PHF14: variants seen among roughly 807,000 people sequenced by gnomAD.
PHF14 encodes PHD finger protein 14.
A neutral mutation model predicts 117.9 loss-of-function variants in PHF14; 55 were observed. The observed-to-expected ratio is 0.47, with a 90% CI of 0.38 to 0.58. PHF14 has a LOEUF of 0.58. Among genes scored for constraint, PHF14 ranks in the 20% least tolerant of loss-of-function variants. The probability of loss-of-function intolerance (pLI) is 0.00; values close to 1 mark genes in which losing one functional copy is unlikely to be tolerated. For synonymous variants in PHF14, 409 were observed against 368.6 expected (o/e 1.11, Z -1.26); for missense variants, 978 against 1,122.2 (o/e 0.87, Z 1.84).
intron 16 of PHF14, chr7:11,108,309 A>G (rs1466496403): frequency 6.6e-6 from 1 of 151,666 alleles, no homozygotes; most frequent in Non-Finnish European, 1.5e-5. Flanking sequence ...ATATTTGTTT[A>G]TCACCAAAAC....
At chr7:10,994,538 G>T (rs1369908254) in intron 4 of PHF14, among the ~76,000 whole-genome samples, 1 of 152,186 alleles carries the variant, frequency 6.6e-6, no homozygotes, top group Non-Finnish European at 1.5e-5. Flanking sequence ...GGTTAGTGGT[G>T]GGAGTAGAGA....
At chr7:11,104,356 C>T (rs2128342020) in intron 16 of PHF14, 1 of 968,534 alleles carries the variant, frequency 1.0e-6, no homozygotes, top group Non-Finnish European at 1.2e-6. Context: ...AGTAAGAAAA[C>T]TTGAAGTAAC....
intron 4 of PHF14, among the ~76,000 whole-genome samples, chr7:11,011,410 C>G (rs904737067): frequency 3.3e-5 from 5 of 152,084 alleles, no homozygotes; most frequent in Admixed American, 6.5e-5. Flanking sequence ...TATAAACTTA[C>G]CCATATGGTG....
intron 16 of PHF14, among the ~76,000 whole-genome samples, chr7:11,099,987 C>G (rs1397060642): frequency 6.6e-6 from 1 of 152,026 alleles, no homozygotes; most frequent in Non-Finnish European, 1.5e-5. Context: ...TCTAAATGAG[C>G]TGATGATATG....
At chr7:11,025,689 G>C in intron 6 of PHF14, among the ~76,000 whole-genome samples, 1 of 152,170 alleles carries the variant, frequency 6.6e-6, no homozygotes. Context: ...CAGCTACTTG[G>C]GAGGCTGAGG....
intron 6 of PHF14, among the ~76,000 whole-genome samples, chr7:11,027,780 G>A (rs1390753046): frequency 6.6e-6 from 1 of 151,952 alleles, no homozygotes; most frequent in Non-Finnish European, 1.5e-5. Flanking sequence ...GATTTTCTCT[G>A]GTCTCTTGTT....
intron 12 of PHF14, among the ~76,000 whole-genome samples, chr7:11,041,278 ACTTT>A (rs577176151): frequency 7.3e-4 from 110 of 151,584 alleles, no homozygotes; most frequent in Middle Eastern, 3.4e-3. Flanking sequence ...TTTGTTTTTT[ACTTT>A]CTTTGCTCAA....
In PHF14 at chr7:11,036,333, C is replaced by T. The variant is rs1784325999; in HGVS notation, c.1603-85C>T. 4.4e-6 allele frequency: 5 copies of T among 1,137,698 alleles called. No individual in the cohort carries two copies. In the East Asian group the frequency reaches 1.3e-4, roughly 29 times the overall value. 70.5% of individuals were successfully genotyped at this position (1,137,698 alleles called of 1,614,324 possible). A position where few individuals can be genotyped will look rare whatever the true frequency, so the allele number is the denominator to read the frequency against. Reference sequence around the variant, plus strand: ...GAAGTTCTGATTATCTTTCTGTGAACATGGGAATAAAAATCAATGTAAAAA... The same window carrying T: ...GAAGTTCTGATTATCTTTCTGTGAATATGGGAATAAAAATCAATGTAAAAA... On this transcript the variant is annotated intron_variant, in intron 8 of 17. Coordinates refer to ENST00000634607, the MANE Select transcript of PHF14 (RefSeq NM_001007157.2).
At chr7:11,056,190 T>C (rs770882254) in intron 14 of PHF14, among the ~76,000 whole-genome samples, 1 of 152,162 alleles carries the variant, frequency 6.6e-6, no homozygotes, top group Non-Finnish European at 1.5e-5. Context: ...AGTAATCTTA[T>C]TCAGAACCCT....
Position 11,036,622 on chromosome 7 carries a change from A to G in PHF14, c.1807A>G (p.Ser603Gly), listed in dbSNP as rs1370130187. 6.2e-7 allele frequency: 1 copy of G among 1,613,592 alleles called. No homozygotes were observed. Among genetic ancestry groups the G allele is most frequent in the Non-Finnish European group, 8.5e-7 (1 of 1,179,626 alleles). Residue 603 changes from serine to glycine, a missense_variant, in exon 9 of 18, where the codon AGT (serine) becomes GGT (glycine). This residue lies in a region of PHF14 where 237 missense variants were observed against 276.4 expected (regional missense o/e 0.86). Coordinates refer to ENST00000634607, the MANE Select transcript of PHF14 (RefSeq NM_001007157.2). Reference protein sequence around the residue: ...FPVDNSDTSSSVDGRRKHKQP... With the variant: ...FPVDNSDTSSGVDGRRKHKQP... Reference sequence around the variant, plus strand: ...AGTGGACAATTCAGATACTAGTTCTAGTGTGGATGGAAGGAGAAAACATAA... The same window carrying G: ...AGTGGACAATTCAGATACTAGTTCTGGTGTGGATGGAAGGAGAAAACATAA...
At chr7:11,161,054 A>C (rs1034554668) in intron 17 of PHF14, among the ~76,000 whole-genome samples, 8 of 152,158 alleles carry the variant, frequency 5.3e-5, no homozygotes, top group African/African-American at 1.9e-4. Context: ...GAGGTCTTAC[A>C]TTTAAATCTG....
At chr7:11,073,657 G>GGT (rs977226026) in intron 16 of PHF14, among the ~76,000 whole-genome samples, 21 of 152,286 alleles carry the variant, frequency 1.4e-4, no homozygotes, top group African/African-American at 5.1e-4. Flanking sequence ...GTAGTTCCCT[G>GGT]GTAGGGATTC....
chr7:11,075,645 G>C (rs907007551), intron 16 of PHF14, among the ~76,000 whole-genome samples: 2 of 146,894 alleles, frequency 1.4e-5, no homozygotes, highest in African/African-American at 5.1e-5. Context: ...CCTCCCACCA[G>C]GCGCACCTCC....
In PHF14 at chr7:11,061,982, A is replaced by T; in HGVS notation, c.2551A>T (p.Arg851Ter). 6.3e-7 allele frequency: 1 copy of T among 1,599,406 alleles called. No homozygotes were observed. Among genetic ancestry groups the T allele is most frequent in the African/African-American group, 1.3e-5 (1 of 74,728 alleles). Residue 851 changes from arginine (R) to a stop codon, truncating the protein, a stop_gained, in exon 16 of 18, where the codon AGA becomes TGA. Coordinates refer to ENST00000634607, the MANE Select transcript of PHF14 (RefSeq NM_001007157.2). LOFTEE classifies it high-confidence loss of function. ...ATGGCAGGAAAGAGTTCCTAGAGAG[A>T]GAAGACAAAGACAGTCTGTGTTGCA... is the stretch of plus-strand genomic sequence containing the variant. ...EKHEERVPRERRQRQSVLQKK... is the reference protein window; with the variant it reads ...EKHEERVPRE
chr7:11,119,892 A>T (rs1352699641), intron 17 of PHF14, among the ~76,000 whole-genome samples: 1 of 151,902 alleles, frequency 6.6e-6, no homozygotes, highest in Admixed American at 6.6e-5. Context: ...TGATTTTCTG[A>T]TGGAATCTTT....
intron 17 of PHF14, among the ~76,000 whole-genome samples, chr7:11,114,589 A>T (rs560483509): frequency 1.3e-5 from 2 of 152,244 alleles, no homozygotes; most frequent in East Asian, 3.9e-4. Flanking sequence ...TAGAAGAATG[A>T]CCATTTATTA....
intron 17 of PHF14, among the ~76,000 whole-genome samples, chr7:11,126,843 T>A (rs1219531865): frequency 6.6e-6 from 1 of 151,666 alleles, no homozygotes; most frequent in African/African-American, 2.4e-5. Flanking sequence ...TTAAACAGTA[T>A]AAAAAGAGAC....
Position 10,982,441 on chromosome 7 carries a change from C to G in PHF14, c.182C>G (p.Ser61Cys), listed in dbSNP as rs1782072303. 6.3e-7 allele frequency: 1 copy of G among 1,592,414 alleles called. No homozygotes were observed. The highest frequency in any genetic ancestry group is 1.4e-5 in the African/African-American group (1 of 73,400). Residue 61 changes from serine to cysteine, a missense_variant, in exon 3 of 18, where the codon TCT (serine) becomes TGT (cysteine). Ser to Cys is a moderately radical substitution (Grantham distance 112). This residue lies in a region of PHF14 where 414 missense variants were observed against 376.4 expected (regional missense o/e 1.10). Coordinates refer to ENST00000634607, the MANE Select transcript of PHF14 (RefSeq NM_001007157.2). ...KDSGEGSCSD[S>C]EENILEEELN... is the part of the protein sequence containing the mutation. ...AGTGGAGAAGGTTCCTGTAGTGATT[C>G]TGAAGAAAATATTTTAGAAGAAGAA...
At chr7:11,029,365 A>G (rs1259532415) in intron 7 of PHF14, among the ~76,000 whole-genome samples, 2 of 148,298 alleles carry the variant, frequency 1.3e-5, no homozygotes, top group African/African-American at 5.3e-5. Context: ...TCATTACACT[A>G]TAAAAATGTT....
Sources: gnomAD v4.1 joint callset for allele counts (sites outside exome capture counted in the v4.1 genomes callset) on GRCh38, gnomAD v4.1.1 for gene constraint, gnomAD v4.1.1 regional missense constraint, MANE v1.5 for transcripts, NCBI Gene and HGNC (gene_info 2026-07-23, HGNC 2026-07-21) for gene names.